HMGCLL1: variants seen among roughly 807,000 people sequenced by gnomAD.
HMGCLL1 encodes the protein 3-hydroxy-3-methylglutaryl-CoA lyase like 1, also known as 3-hydroxymethyl-3-methylglutaryl-CoA lyase, cytoplasmic.
In HMGCLL1, 36 loss-of-function variants were observed where a neutral mutation model predicts 39.1. The observed-to-expected ratio is 0.92, with a 90% CI of 0.71 to 1.22. HMGCLL1 has a LOEUF of 1.22. HMGCLL1 is among the 50% of genes most tolerant of loss of function. The pLI, the probability that HMGCLL1 is intolerant of heterozygous loss-of-function variation, is 0.00. For missense variants in HMGCLL1, 451 were observed against 416.5 expected (o/e 1.08, Z -0.72); for synonymous variants, 149 against 144.0 (o/e 1.03, Z -0.25).
chr6:55,520,629 T>A (rs1767989668), intron 3 of HMGCLL1, among the ~76,000 whole-genome samples: 1 of 152,076 alleles, frequency 6.6e-6, no homozygotes, highest in Admixed American at 6.6e-5. Context: ...TATGTTATAC[T>A]TCAATCTTAA....
intron 6 of HMGCLL1, among the ~76,000 whole-genome samples, chr6:55,496,266 T>G (rs1029814464): frequency 3.3e-5 from 5 of 152,158 alleles, no homozygotes; most frequent in African/African-American, 1.2e-4. Flanking sequence ...GTGTTAATAC[T>G]AATCTATTTT....
intron 3 of HMGCLL1, among the ~76,000 whole-genome samples, chr6:55,525,078 C>T (rs1768247127): frequency 6.6e-6 from 1 of 151,702 alleles, no homozygotes; most frequent in African/African-American, 2.4e-5. Flanking sequence ...ACCCCAGCAA[C>T]TTCCATGACC....
chr6:55,441,303 G>A (rs929094780), intron 7 of HMGCLL1, among the ~76,000 whole-genome samples: 4 of 152,026 alleles, frequency 2.6e-5, no homozygotes, highest in African/African-American at 7.2e-5. Context: ...TAATCAGATC[G>A]GGCATTTGGA....
chr6:55,602,884 T>G, the HMGCLL1 span, among the ~76,000 whole-genome samples: 1 of 152,096 alleles, frequency 6.6e-6, no homozygotes, highest in African/African-American at 2.4e-5. Context: ...GGCATGTAAT[T>G]TTTTCTAAAA....
chr6:55,588,504 C>A, the HMGCLL1 span, among the ~76,000 whole-genome samples: 1 of 151,892 alleles, frequency 6.6e-6, no homozygotes, highest in African/African-American at 2.4e-5. Flanking sequence ...ACTAGAGAAG[C>A]AAGAGCAAAC....
upstream of HMGCLL1, among the ~76,000 whole-genome samples, chr6:55,579,534 T>C (rs1396279220): frequency 6.6e-6 from 1 of 152,120 alleles, no homozygotes; most frequent in African/African-American, 2.4e-5. Context: ...TAGATTTGCC[T>C]ACCGTTGAGC....
At chr6:55,650,746 A>G in the HMGCLL1 span, among the ~76,000 whole-genome samples, 3 of 152,022 alleles carry the variant, frequency 2.0e-5, no homozygotes, top group African/African-American at 7.2e-5. Context: ...TGGCACTCAA[A>G]CCACTATACA....
the HMGCLL1 span, among the ~76,000 whole-genome samples, chr6:55,672,613 C>T: frequency 6.6e-6 from 1 of 151,898 alleles, no homozygotes; most frequent in Non-Finnish European, 1.5e-5. Context: ...AATTGGAATA[C>T]TTTGCAAATC....
In HMGCLL1 at chr6:55,565,631, A is replaced by C. The variant is rs553147436; in HGVS notation, c.108+13317T>G. On this transcript the variant is annotated intron_variant, in intron 1 of 8. Coordinates refer to ENST00000274901, the MANE Select transcript of HMGCLL1 (RefSeq NM_001042406.2). ...GTCAACATCTGTACAAATTCTTCAAAGAGCAAGTAGATTTAAGGGATCCAG... is the reference window on the plus strand; with the variant it reads ...GTCAACATCTGTACAAATTCTTCAACGAGCAAGTAGATTTAAGGGATCCAG... Among the ~76,000 whole-genome samples the C allele has an allele frequency of 2.0e-5, 3 of 152,274 alleles. No homozygotes were observed. In the South Asian group the frequency reaches 6.2e-4, roughly 32 times the overall value.
the HMGCLL1 span, among the ~76,000 whole-genome samples, chr6:55,667,219 A>T: frequency 6.6e-6 from 1 of 151,778 alleles, no homozygotes; most frequent in Non-Finnish European, 1.5e-5. Flanking sequence ...CAAAATATTC[A>T]TTGGTTGTAA....
At chr6:55,600,388 C>A in the HMGCLL1 span, among the ~76,000 whole-genome samples, 1 of 152,210 alleles carries the variant, frequency 6.6e-6, no homozygotes, top group African/African-American at 2.4e-5. Flanking sequence ...AAGCAGGCAA[C>A]ATCACTTACC....
chr6:55,447,134 G>C (rs1338922992), intron 7 of HMGCLL1, among the ~76,000 whole-genome samples: 1 of 151,812 alleles, frequency 6.6e-6, no homozygotes. Context: ...ATTACTCGTA[G>C]TTCAGTGGCC....
At chr6:55,566,271 G>A (rs1035718145) in intron 1 of HMGCLL1, among the ~76,000 whole-genome samples, 15 of 152,114 alleles carry the variant, frequency 9.9e-5, no homozygotes, top group Admixed American at 3.3e-4. Flanking sequence ...TGACAGACAT[G>A]TTCTCTTTGG....
At chr6:55,545,276 C>T (rs183362326) in intron 1 of HMGCLL1, among the ~76,000 whole-genome samples, 6 of 151,390 alleles carry the variant, frequency 4.0e-5, no homozygotes, top group African/African-American at 1.2e-4. Flanking sequence ...TAACCATATG[C>T]CTCCTGAATA....
chr6:55,501,714 T>C (rs1271965709), intron 5 of HMGCLL1, among the ~76,000 whole-genome samples: 4 of 151,856 alleles, frequency 2.6e-5, no homozygotes, highest in African/African-American at 9.7e-5. Context: ...ACCTAGTGGA[T>C]GAAATCCAAC....
intron 5 of HMGCLL1, among the ~76,000 whole-genome samples, chr6:55,500,275 C>T (rs1186339216): frequency 1.3e-5 from 2 of 151,818 alleles, no homozygotes; most frequent in Non-Finnish European, 2.9e-5. Flanking sequence ...AAAATTATTA[C>T]GTAAGGTAGT....
At chr6:55,575,356 C>A in intron 1 of HMGCLL1, among the ~76,000 whole-genome samples, 1 of 152,086 alleles carries the variant, frequency 6.6e-6, no homozygotes, top group East Asian at 1.9e-4. Flanking sequence ...TTTGATAGTA[C>A]ATTGTTAAAC....
At chr6:55,546,717 A>G (rs1213065362) in intron 1 of HMGCLL1, among the ~76,000 whole-genome samples, 2 of 152,152 alleles carry the variant, frequency 1.3e-5, no homozygotes, top group African/African-American at 4.8e-5. Context: ...ATTTTAATGT[A>G]GTCTGGAGAA....
At chr6:55,677,914 G>C in the HMGCLL1 span, among the ~76,000 whole-genome samples, 10 of 152,206 alleles carry the variant, frequency 6.6e-5, no homozygotes, top group African/African-American at 2.4e-4. Flanking sequence ...TATCTGTAAC[G>C]TGTAAGAACT....
Sources: allele counts gnomAD v4.1 joint callset (sites outside exome capture counted in the v4.1 genomes callset), GRCh38; gene constraint gnomAD v4.1.1; transcripts MANE v1.5; gene names NCBI Gene and HGNC (gene_info 2026-07-23, HGNC 2026-07-21).